The following RFPL1 variants were observed in gnomAD, a reference collection of about 807,000 sequenced individuals.
The protein encoded by RFPL1 is ret finger protein like 1.
In RFPL1, 6 loss-of-function variants were observed where a neutral mutation model predicts 9.6. That is an observed-to-expected ratio of 0.62 (90% CI 0.34 to 1.23). The LOEUF (loss-of-function observed/expected upper bound fraction) is 1.23, where lower values mean the gene tolerates loss of function less well. Ranked by LOEUF, RFPL1 falls within the 50% of genes most tolerant of loss-of-function variation. The pLI is 0.03. For synonymous variants in RFPL1, 145 were observed against 149.4 expected (o/e 0.97, Z 0.22); for missense variants, 352 against 398.4 (o/e 0.88, Z 0.99).
chr22:29,441,425 G>A, intron 1 of RFPL1, 117 bp from the exon 2 acceptor site: 2 of 1,261,672 alleles, frequency 1.6e-6, no homozygotes, highest in Non-Finnish European at 2.2e-6. Context: ...TTTGATTTTG[G>A]GGGAAGAAGA....
exon 2 of RFPL1, chr22:29,442,139 A>G: frequency 6.6e-7 from 1 of 1,506,930 alleles, no homozygotes; most frequent in Non-Finnish European, 8.9e-7. Context: ...ACTGCAAAAA[A>G]ACAAAAAACA....
chr22:29,418,203 C>T, the RFPL1 span, among the ~76,000 whole-genome samples: 1 of 152,234 alleles, frequency 6.6e-6, no homozygotes, highest in South Asian at 2.1e-4. Flanking sequence ...GCTAGGATTA[C>T]AGGTGTGAGC....
chr22:29,422,975 A>G, the RFPL1 span: 2 of 655,520 alleles, frequency 3.1e-6, no homozygotes, highest in Admixed American at 2.7e-5. Flanking sequence ...CAACAGTTCA[A>G]TTTTCTAGAT....
the RFPL1 span, among the ~76,000 whole-genome samples, chr22:29,397,756 G>T: frequency 6.6e-6 from 1 of 152,260 alleles, no homozygotes. Flanking sequence ...ATGCAGATTG[G>T]GACCCTGCTT....
chr22:29,391,673 C>T, the RFPL1 span, among the ~76,000 whole-genome samples: 85 of 152,242 alleles, frequency 5.6e-4, no homozygotes, highest in African/African-American at 1.9e-3. Flanking sequence ...ATGGCATTTG[C>T]GCTGTCTTGC....
the RFPL1 span, among the ~76,000 whole-genome samples, chr22:29,432,372 C>A: frequency 1.3e-5 from 2 of 152,188 alleles, no homozygotes; most frequent in African/African-American, 2.4e-5. Flanking sequence ...AGCCCCTGCA[C>A]CTGGAACTGT....
the RFPL1 span, among the ~76,000 whole-genome samples, chr22:29,430,908 T>C: frequency 1.3e-5 from 2 of 152,182 alleles, no homozygotes; most frequent in African/African-American, 2.4e-5. Context: ...TAATTTAGAA[T>C]GAGATGGCAA....
At chr22:29,420,626 G>GTTTTGT in the RFPL1 span, among the ~76,000 whole-genome samples, 2 of 82,586 alleles carry the variant, frequency 2.4e-5, no homozygotes, top group Non-Finnish European at 4.3e-5. Flanking sequence ...ACTGCAGATG[G>GTTTTGT]TTTTTTGCTT....
exon 2 of RFPL1, chr22:29,442,217 C>A: frequency 1.2e-6 from 1 of 865,032 alleles, no homozygotes. Context: ...TATACAAAGT[C>A]ATAGGAGAAA....
the RFPL1 span, among the ~76,000 whole-genome samples, chr22:29,411,625 C>T: frequency 6.6e-6 from 1 of 151,896 alleles, no homozygotes; most frequent in Non-Finnish European, 1.5e-5. Context: ...CTCTAGAAGA[C>T]TTGGTGGACT....
At chr22:29,441,701 G>A (rs2146367927) in exon 2 of RFPL1, 1 of 1,613,934 alleles carries the variant, frequency 6.2e-7, no homozygotes, top group Non-Finnish European at 8.5e-7. Context: ...TTTACCTGTG[G>A]CCGCCACTAC....
chr22:29,437,860 G>A, upstream of RFPL1: 1 of 847,530 alleles, frequency 1.2e-6, no homozygotes, highest in Non-Finnish European at 1.7e-6. Context: ...CTGCCTCAGA[G>A]TTGAAAACCA....
chr22:29,399,225 G>GT, the RFPL1 span, among the ~76,000 whole-genome samples: 1 of 148,534 alleles, frequency 6.7e-6, no homozygotes, highest in South Asian at 2.1e-4. Flanking sequence ...GAAGGATAGT[G>GT]TTTTGTTTTT....
chr22:29,398,771 T>C, the RFPL1 span, among the ~76,000 whole-genome samples: 1 of 152,230 alleles, frequency 6.6e-6, no homozygotes. Context: ...GGTATGGCCA[T>C]ATGACTAACC....
the RFPL1 span, among the ~76,000 whole-genome samples, chr22:29,390,790 G>T: frequency 6.6e-5 from 10 of 150,792 alleles, no homozygotes; most frequent in Non-Finnish European, 1.2e-4. Flanking sequence ...GTAGAGACGG[G>T]GTTTCACCGT....
the RFPL1 span, among the ~76,000 whole-genome samples, chr22:29,415,874 G>A: frequency 3.9e-5 from 6 of 152,178 alleles, no homozygotes; most frequent in African/African-American, 9.7e-5. Context: ...TAGCACAAGC[G>A]ATTAGGGTGG....
chr22:29,409,169 G>A, the RFPL1 span, among the ~76,000 whole-genome samples: 1 of 152,026 alleles, frequency 6.6e-6, no homozygotes, highest in Non-Finnish European at 1.5e-5. Context: ...ACACGGTTGT[G>A]CAACCATTGT....
At chr22:29,390,332 T>C in the RFPL1 span, among the ~76,000 whole-genome samples, 2,690 of 152,262 alleles carry the variant, frequency 0.018, 25 homozygotes, top group South Asian at 0.033. Context: ...CTATCTAATA[T>C]AGATATTACT....
the RFPL1 span, among the ~76,000 whole-genome samples, chr22:29,397,564 C>T: frequency 1.3e-5 from 2 of 152,066 alleles, no homozygotes; most frequent in African/African-American, 4.8e-5. Context: ...AAAGAAAACC[C>T]AGGATTGGAC....
Sources: allele counts gnomAD v4.1 joint callset (sites outside exome capture counted in the v4.1 genomes callset), GRCh38; gene constraint gnomAD v4.1.1; transcripts MANE v1.5; gene names NCBI Gene and HGNC (gene_info 2026-07-23, HGNC 2026-07-21).